The following GRAMD4 variants were observed in gnomAD, a reference collection of about 807,000 sequenced individuals.
The protein encoded by GRAMD4 is GRAM domain containing 4.
GRAMD4 carries 25 observed loss-of-function variants against 83.9 expected under a neutral mutation model. The ratio of observed to expected loss-of-function variants is 0.30; its 90% CI spans 0.22 to 0.42. The LOEUF (loss-of-function observed/expected upper bound fraction) is 0.42. GRAMD4 is among the 10% of genes least tolerant of loss of function. The pLI, the probability that GRAMD4 is intolerant of heterozygous loss-of-function variation, is 1.00. For missense variants in GRAMD4, 593 were observed against 788.7 expected, an observed-to-expected ratio of 0.75 and a Z score of 2.97; for synonymous variants, 336 against 320.9, an observed-to-expected ratio of 1.05 and a Z score of -0.50.
chr22:46,577,616 C>G (rs1196715390), intron 1 of GRAMD4, among the ~76,000 whole-genome samples: 1 of 151,892 alleles, frequency 6.6e-6, no homozygotes, highest in African/African-American at 2.4e-5. Context: ...CCGGGGGTCA[C>G]CGACGCTGGG....
At position 46,586,661 on chromosome 22, in the gene GRAMD4, C is replaced by T. The variant is rs570525072; in HGVS notation, c.-50+9371C>T. ...ACCCAGAGCTCTGGTGTGGCGGAAT[C>T]GCTGGTGGGGTCTCAGCTTCTCAGG... On this transcript the variant is annotated intron_variant, in intron 1 of 1. Transcript: ENST00000431155. Among the ~76,000 whole-genome samples the T allele has an allele frequency of 4.5e-4, 68 of 152,332 alleles. 1 individual carries two copies. Among genetic ancestry groups the T allele is most frequent in the African/African-American group, 1.6e-3 (66 of 41,578 alleles).
upstream of GRAMD4, among the ~76,000 whole-genome samples, chr22:46,615,510 T>C (rs548228904): frequency 6.9e-6 from 1 of 144,432 alleles, no homozygotes; most frequent in African/African-American, 2.6e-5. Context: ...GGTTCCCCTG[T>C]GTGTGCAGGT....
At chr22:46,624,887 GTC>G (rs2081631351) in intron 1 of GRAMD4, among the ~76,000 whole-genome samples, 1 of 141,648 alleles carries the variant, frequency 7.1e-6, no homozygotes, top group African/African-American at 2.7e-5. Context: ...TTGAGACAGA[GTC>G]TCGCTCTGTC....
intron 3 of GRAMD4, among the ~76,000 whole-genome samples, chr22:46,655,732 C>G (rs1251145064): frequency 6.6e-6 from 1 of 152,214 alleles, no homozygotes; most frequent in African/African-American, 2.4e-5. Flanking sequence ...CGGGCTGGAC[C>G]CTGCCCCTAA....
chr22:46,667,272 G>A (rs968799956), intron 10 of GRAMD4, among the ~76,000 whole-genome samples: 2 of 152,164 alleles, frequency 1.3e-5, no homozygotes, highest in African/African-American at 2.4e-5. Context: ...CCCACCTCTC[G>A]GAGGTTGCAG....
In GRAMD4 at chr22:46,621,137, C is replaced by T. The variant is rs1270519285; in HGVS notation, c.-50+572C>T. Among the ~76,000 whole-genome samples, 5 of 152,134 alleles carry T rather than the reference C, an allele frequency of 3.3e-5. No individual in the cohort carries two copies. Among genetic ancestry groups the T allele is most frequent in the African/African-American group, 9.6e-5 (4 of 41,492 alleles). ...GGCAGGGGCCGTCTGGTTGGGGATG[C>T]GCGGCTGCAGCACGCAGGACGGAAG... On this transcript the variant is annotated intron_variant, in intron 1 of 18. Coordinates refer to ENST00000406902, the MANE Select transcript of GRAMD4 (RefSeq NM_015124.5). This position sits in a 1 kb window ranked among gnomAD's most constrained non-coding sequence, Gnocchi z 5.8.
intron 3 of GRAMD4, among the ~76,000 whole-genome samples, chr22:46,646,013 C>T (rs1210023613): frequency 1.3e-5 from 2 of 152,168 alleles, no homozygotes; most frequent in Non-Finnish European, 2.9e-5. Context: ...CTTCTGAGGA[C>T]CCTCGGGGCC....
intron 3 of GRAMD4, among the ~76,000 whole-genome samples, chr22:46,640,101 C>T (rs2081953755): frequency 6.6e-6 from 1 of 152,222 alleles, no homozygotes; most frequent in South Asian, 2.1e-4. Flanking sequence ...TGCTATTTGG[C>T]CTGGAGAGCA....
chr22:46,597,787 C>T (rs1334185158), intron 1 of GRAMD4, among the ~76,000 whole-genome samples: 1 of 152,212 alleles, frequency 6.6e-6, no homozygotes, highest in Non-Finnish European at 1.5e-5. Flanking sequence ...CCACGCCCGG[C>T]CTCTGGCATG....
chr22:46,668,769 G>A (rs558237861), intron 12 of GRAMD4, 30 bp from the exon 13 acceptor site: 8 of 1,593,870 alleles, frequency 5.0e-6, no homozygotes, highest in African/African-American at 4.1e-5. Flanking sequence ...TGCGGCGCCC[G>A]CCCGGCCTGA....
At chr22:46,658,392 CA>C in intron 4 of GRAMD4, 85 bp downstream of exon 4, 1 of 1,310,254 alleles carries the variant, frequency 7.6e-7, no homozygotes, top group Non-Finnish European at 1.0e-6. Flanking sequence ...CTGCTGCACC[CA>C]TAGCGTCTTG....
rs2081167097 is a variant in GRAMD4, at chr22:46,587,918, G to A, written c.-50+10628G>A. 4.1e-5 allele frequency: 40 copies of A among 985,264 alleles called. 1 individual carries two copies. The South Asian group carries it at 9.4e-4, about 23-fold the overall frequency. The allele number at this position is 985,264 out of a possible 1,614,324, so 61.0% of individuals were successfully genotyped here. On this transcript the variant is annotated intron_variant, in intron 1 of 1. Coordinates refer to the GRAMD4 transcript ENST00000431155. Reference sequence around the variant, plus strand: ...TGGTACAGGGCTCCTGATCCTCCCCGTCTGGGCAGACGCACTCACATCACA... The same window carrying A: ...TGGTACAGGGCTCCTGATCCTCCCCATCTGGGCAGACGCACTCACATCACA...
intron 1 of GRAMD4, among the ~76,000 whole-genome samples, chr22:46,589,962 C>A (rs2081190537): frequency 6.6e-6 from 1 of 152,230 alleles, no homozygotes; most frequent in Admixed American, 6.5e-5. Flanking sequence ...CTCCCTGCTG[C>A]CTGGTTCCTG....
At chr22:46,593,744 G>A (rs2081233336) in intron 1 of GRAMD4, among the ~76,000 whole-genome samples, 1 of 151,894 alleles carries the variant, frequency 6.6e-6, no homozygotes, top group East Asian at 1.9e-4. Context: ...ATTTTTTTGA[G>A]ATGGAGTCTT....
chr22:46,630,193 A>G (rs2081746147), intron 2 of GRAMD4, among the ~76,000 whole-genome samples: 1 of 151,566 alleles, frequency 6.6e-6, no homozygotes, highest in Non-Finnish European at 1.5e-5. Context: ...CCCGGCTAAT[A>G]TTTTGTATTT....
At chr22:46,679,888 C>A, downstream of GRAMD4, 2 of 678,902 alleles carry the variant, frequency 2.9e-6, no homozygotes, top group Non-Finnish European at 3.6e-6. Flanking sequence ...GCCAGCCCGC[C>A]ACTCCCTGGG....
At chr22:46,615,611 CGT>C (rs2081473561), upstream of GRAMD4, among the ~76,000 whole-genome samples, 3 of 84,724 alleles carry the variant, frequency 3.5e-5, no homozygotes, top group Middle Eastern at 0.012. Flanking sequence ...GTAGGTTCCC[CGT>C]GCGTGTAGGT....
intron 1 of GRAMD4, among the ~76,000 whole-genome samples, chr22:46,586,327 C>T (rs1233495471): frequency 6.6e-6 from 1 of 152,206 alleles, no homozygotes; most frequent in African/African-American, 2.4e-5. Context: ...TGGCGCCTCC[C>T]TGCTTTCCAG....
chr22:46,619,022 G>A (rs1011860089), upstream of GRAMD4, among the ~76,000 whole-genome samples: 4 of 152,226 alleles, frequency 2.6e-5, no homozygotes, highest in African/African-American at 7.2e-5. Flanking sequence ...ACCCGGATAC[G>A]GACATCAGCA....
Sources: gnomAD v4.1 joint callset for allele counts (sites outside exome capture counted in the v4.1 genomes callset) on GRCh38, gnomAD v4.1.1 for gene constraint, Gnocchi (gnomAD v3.1) non-coding constraint, MANE v1.5 for transcripts, NCBI Gene and HGNC (gene_info 2026-07-23, HGNC 2026-07-21) for gene names.